Variants in MTHFD1 observed in about 807,000 individuals in gnomAD.
The protein encoded by MTHFD1 is methylenetetrahydrofolate dehydrogenase, cyclohydrolase and formyltetrahydrofolate synthetase 1.
In MTHFD1, 44 loss-of-function variants were observed where a neutral mutation model predicts 110.3. The ratio of observed to expected loss-of-function variants is 0.40; its 90% CI spans 0.31 to 0.51. The LOEUF is 0.51. Among genes scored for constraint, MTHFD1 ranks in the 20% least tolerant of loss-of-function variants. The pLI, the probability that MTHFD1 is intolerant of heterozygous loss-of-function variation, is 0.60. For synonymous variants in MTHFD1, 402 were observed against 428.8 expected, an observed-to-expected ratio of 0.94 and a Z score of 0.77; for missense variants, 909 against 1,173.1, an observed-to-expected ratio of 0.77 and a Z score of 3.29.
intron 19 of MTHFD1, 48 bp from the exon 20 acceptor site, chr14:64,442,006 T>G (rs754741609): frequency 7.0e-6 from 9 of 1,280,524 alleles, no homozygotes; most frequent in Admixed American, 1.7e-5. Flanking sequence ...GTGATCCCAC[T>G]TTGAAGCAGG....
intron 25 of MTHFD1, 103 bp from the exon 26 acceptor site, chr14:64,454,620 G>T: frequency 1.1e-6 from 1 of 917,392 alleles, no homozygotes; most frequent in African/African-American, 1.6e-5. Flanking sequence ...GGAGTTGGAT[G>T]TTTCGAATAA....
intron 1 of MTHFD1, among the ~76,000 whole-genome samples, chr14:64,392,580 G>A (rs1354957628): frequency 1.3e-5 from 2 of 152,192 alleles, no homozygotes; most frequent in East Asian, 1.9e-4. Flanking sequence ...CTGGCCAAGT[G>A]CAGGGCAAGT....
intron 2 of MTHFD1, among the ~76,000 whole-genome samples, chr14:64,406,871 A>C (rs2077939924): frequency 6.6e-6 from 1 of 152,102 alleles, no homozygotes; most frequent in Non-Finnish European, 1.5e-5. Context: ...ATACTACCCT[A>C]CGATGTAGGA....
intron 1 of MTHFD1, among the ~76,000 whole-genome samples, chr14:64,397,179 A>G (rs529519747): frequency 1.1e-4 from 2 of 17,726 alleles, no homozygotes; most frequent in African/African-American, 3.3e-4. Context: ...ATATATATAT[A>G]TATATATATA....
Position 64,441,459 on chromosome 14 carries a change from CAG to C in MTHFD1, c.1884+9_1884+10del, listed in dbSNP as rs778421956. ...ATCTCATGCAGACACTGGAGGTGAGCAGAGTGACTCCTGCCTTCTTGAATTGG... is the reference window on the plus strand; with the variant it reads ...ATCTCATGCAGACACTGGAGGTGAGCAGTGACTCCTGCCTTCTTGAATTGG... On this transcript the variant is annotated splice_region_variant and intron_variant, in intron 19 of 27. Coordinates refer to ENST00000652337, the MANE Select transcript of MTHFD1 (RefSeq NM_005956.4). 9 of 1,613,532 alleles carry C rather than the reference CAG, an allele frequency of 5.6e-6. No homozygotes were observed. Among genetic ancestry groups the C allele is most frequent in the Middle Eastern group, 1.6e-4 (1 of 6,078 alleles).
chr14:64,412,634 A>ATTT (rs10678665), intron 4 of MTHFD1, 109 bp downstream of exon 4: 4,996 of 477,228 alleles, frequency 0.01, 21 homozygotes, highest in African/African-American at 0.013. Flanking sequence ...ACCTCCAGGT[A>ATTT]TTTTTTTTTT....
In MTHFD1 at chr14:64,394,721, G is replaced by A. The variant is rs548294785; in HGVS notation, c.42-6072G>A. On this transcript the variant is annotated intron_variant, in intron 1 of 27. Coordinates refer to ENST00000652337, the MANE Select transcript of MTHFD1 (RefSeq NM_005956.4). Reference sequence around the variant, plus strand: ...ACTTAACATTATAAGTGATCTTTGGGTTTAGGTGCCCAAATACCAGTCCCT... The same window carrying A: ...ACTTAACATTATAAGTGATCTTTGGATTTAGGTGCCCAAATACCAGTCCCT... Among the ~76,000 whole-genome samples the A allele has an allele frequency of 2.6e-5, 4 of 152,206 alleles. No individual in the cohort carries two copies. In the East Asian group the frequency reaches 7.7e-4, roughly 29 times the overall value.
intron 24 of MTHFD1, among the ~76,000 whole-genome samples, chr14:64,450,006 G>C (rs1596559472): frequency 6.6e-6 from 1 of 152,156 alleles, no homozygotes. Flanking sequence ...TGGCCAGGCT[G>C]GTCTCGAACT....
At chr14:64,449,742 C>A in intron 24 of MTHFD1, 120 bp downstream of exon 24, 2 of 1,188,528 alleles carry the variant, frequency 1.7e-6, no homozygotes, top group East Asian at 2.5e-5. Flanking sequence ...GTTTGATTCC[C>A]ACGTAGGTGA....
chr14:64,458,085 C>T, intron 26 of MTHFD1, 129 bp from the exon 27 acceptor site: 1 of 776,496 alleles, frequency 1.3e-6, no homozygotes, highest in Non-Finnish European at 2.4e-6. Context: ...AGATGGGGGT[C>T]TCACTATGTT....
chr14:64,397,138 AATATATAT>A (rs1182197415), intron 1 of MTHFD1, among the ~76,000 whole-genome samples: 89 of 11,936 alleles, frequency 7.5e-3, no homozygotes, highest in South Asian at 0.015. Flanking sequence ...AAAAAAAAAA[AATATATAT>A]ATATATATAT....
intron 27 of MTHFD1, among the ~76,000 whole-genome samples, chr14:64,459,297 C>A (rs1450789880): frequency 6.6e-6 from 1 of 152,182 alleles, no homozygotes; most frequent in African/African-American, 2.4e-5. Context: ...AAGGGGCATT[C>A]TGATAACCAT....
chr14:64,427,194 T>C, intron 11 of MTHFD1, 143 bp from the exon 12 acceptor site: 1 of 903,824 alleles, frequency 1.1e-6, no homozygotes, highest in Non-Finnish European at 1.7e-6. Context: ...TAGCTGGGAC[T>C]ACAGGCATAC....
chr14:64,457,281 G>C (rs112200531), intron 26 of MTHFD1, among the ~76,000 whole-genome samples: 3,759 of 152,212 alleles, frequency 0.025, 53 homozygotes, highest in Middle Eastern at 0.054. Flanking sequence ...CCTCCTTTTG[G>C]TCTTGCAAAG....
intron 22 of MTHFD1, chr14:64,445,002 G>T: frequency 2.0e-6 from 1 of 497,832 alleles, no homozygotes; most frequent in South Asian, 2.1e-5. Flanking sequence ...TGACCCCGGG[G>T]ACATTTGGCA....
intron 1 of MTHFD1, among the ~76,000 whole-genome samples, chr14:64,390,809 C>T (rs1024378742): frequency 6.6e-6 from 1 of 152,138 alleles, no homozygotes; most frequent in Non-Finnish European, 1.5e-5. Context: ...CCACCCCGTC[C>T]GGCTAATTTT....
intron 24 of MTHFD1, among the ~76,000 whole-genome samples, chr14:64,453,401 G>A (rs1018874249): frequency 5.9e-5 from 9 of 151,974 alleles, no homozygotes; most frequent in African/African-American, 9.7e-5. Flanking sequence ...GAGAAACTCC[G>A]TCTCTACTAA....
In MTHFD1 at chr14:64,403,788, C is replaced by T. The variant is rs2077917349; in HGVS notation, c.126+2911C>T. Among the ~76,000 whole-genome samples the T allele has an allele frequency of 4.6e-5, 7 of 151,962 alleles. No homozygotes were observed. The South Asian group carries it at 1.2e-3, about 27-fold the overall frequency. On this transcript the variant is annotated intron_variant, in intron 2 of 27. Transcript: ENST00000652337. Reference sequence around the variant, plus strand: ...CTCCAACTCCTGGGCTCAAAGTGATCCTCCCGCCTTGGCCTCCCAAAGTCC... The same window carrying T: ...CTCCAACTCCTGGGCTCAAAGTGATTCTCCCGCCTTGGCCTCCCAAAGTCC...
chr14:64,411,841 T>C (rs1054711038), intron 3 of MTHFD1, among the ~76,000 whole-genome samples: 3 of 151,714 alleles, frequency 2.0e-5, no homozygotes, highest in Non-Finnish European at 4.4e-5. Context: ...GCGGAGGTTG[T>C]GGTGAGCCAA....
Sources: allele counts gnomAD v4.1 joint callset (sites outside exome capture counted in the v4.1 genomes callset), GRCh38; gene constraint gnomAD v4.1.1; transcripts MANE v1.5; gene names NCBI Gene and HGNC (gene_info 2026-07-23, HGNC 2026-07-21).